TNRC18: variants seen among roughly 807,000 people sequenced by gnomAD.
TNRC18 encodes trinucleotide repeat-containing gene 18 protein.
TNRC18 carries 69 observed loss-of-function variants against 226.7 expected under a neutral mutation model. The ratio of observed to expected loss-of-function variants is 0.30; its 90% CI spans 0.25 to 0.37. The LOEUF (loss-of-function observed/expected upper bound fraction) is 0.37, where lower values mean the gene tolerates loss of function less well. TNRC18 is among the 10% of genes least tolerant of loss of function. The pLI is 1.00. For missense variants in TNRC18, 4,754 were observed against 4,256.6 expected (o/e 1.12, Z -3.25); for synonymous variants, 2,449 against 1,927.6 (o/e 1.27, Z -7.09).
intron 18 of TNRC18, among the ~76,000 whole-genome samples, chr7:5,343,169 G>T (rs1022021240): frequency 6.6e-6 from 1 of 152,078 alleles, no homozygotes; most frequent in Non-Finnish European, 1.5e-5. Context: ...GCCTGGCCAA[G>T]ATGGGGAAAC....
intron 3 of TNRC18, among the ~76,000 whole-genome samples, chr7:5,391,639 G>C (rs1321281144): frequency 6.6e-6 from 1 of 150,892 alleles, no homozygotes; most frequent in East Asian, 2.0e-4. Context: ...AAAATAAACA[G>C]AATTGGGACC....
chr7:5,378,838 A>C (rs1156375819), intron 5 of TNRC18, among the ~76,000 whole-genome samples: 1 of 152,100 alleles, frequency 6.6e-6, no homozygotes, highest in Admixed American at 6.6e-5. Context: ...GGGCCACATG[A>C]AGCCAGACTG....
chr7:5,378,169 A>C, intron 5 of TNRC18, 145 bp from the exon 6 acceptor site: 1 of 611,400 alleles, frequency 1.6e-6, no homozygotes, highest in Non-Finnish European at 2.8e-6. Context: ...TCACCCCAAC[A>C]TCTTTCCTTA....
At chr7:5,397,210 A>G (rs1780751526) in intron 2 of TNRC18, among the ~76,000 whole-genome samples, 1 of 151,882 alleles carries the variant, frequency 6.6e-6, no homozygotes, top group Non-Finnish European at 1.5e-5. Flanking sequence ...CAGGGCCTCC[A>G]AGCCCTGCTG....
chr7:5,411,746 C>G (rs887420192), intron 2 of TNRC18, among the ~76,000 whole-genome samples: 4 of 151,920 alleles, frequency 2.6e-5, no homozygotes, highest in African/African-American at 9.7e-5. Context: ...CAAAGGGAGT[C>G]TGAAGAACAA....
intron 2 of TNRC18, among the ~76,000 whole-genome samples, chr7:5,398,253 T>C (rs13236793): frequency 0.22 from 33,106 of 151,618 alleles, 4,048 homozygotes; most frequent in Middle Eastern, 0.31. Context: ...TCACCGCACC[T>C]TCCGCCACCC....
chr7:5,413,257 G>A (rs969289670), intron 2 of TNRC18, among the ~76,000 whole-genome samples: 1 of 152,124 alleles, frequency 6.6e-6, no homozygotes, highest in African/African-American at 2.4e-5. Flanking sequence ...GCCAAGAGCA[G>A]CCCCCGCCAG....
intron 9 of TNRC18, among the ~76,000 whole-genome samples, chr7:5,375,831 T>C (rs1794616001): frequency 6.6e-6 from 1 of 151,976 alleles, no homozygotes; most frequent in Non-Finnish European, 1.5e-5. Flanking sequence ...TGCTCACAGC[T>C]CCCTCCGCCT....
At chr7:5,340,883 AACCAATG>A in intron 18 of TNRC18, among the ~76,000 whole-genome samples, 1 of 152,330 alleles carries the variant, frequency 6.6e-6, no homozygotes, top group East Asian at 1.9e-4. Context: ...TGGCTACACC[AACCAATG>A]GATTTGCAAT....
At chr7:5,386,928 G>C (rs1779833353) in intron 5 of TNRC18, among the ~76,000 whole-genome samples, 1 of 152,020 alleles carries the variant, frequency 6.6e-6, no homozygotes, top group South Asian at 2.1e-4. Flanking sequence ...CACAAAATTA[G>C]CCAAGCATGG....
In TNRC18 at chr7:5,308,292, C is replaced by T. The variant is rs368584590; in HGVS notation, c.8721G>A (p.Ser2907=). The T allele has an allele frequency of 6.0e-5, 96 of 1,612,350 alleles. No homozygotes were observed. The highest frequency in any genetic ancestry group is 1.7e-4 in the Middle Eastern group (1 of 6,014). ...TCTGCACGTCATTTTCGTCCACATG[C>T]GAGGACTGGTATAGCGCGCGCTGCG... is the stretch of plus-strand genomic sequence containing the variant. ...DFMERALYQS[S]HVDENDVQTV... Residue 2907 remains serine, a synonymous_variant, in exon 30 of 30, where the codon TCG becomes TCA. Coordinates refer to ENST00000430969, the MANE Select transcript of TNRC18 (RefSeq NM_001080495.3).
chr7:5,353,798 C>A (rs1032132610), intron 16 of TNRC18, among the ~76,000 whole-genome samples: 12 of 152,286 alleles, frequency 7.9e-5, no homozygotes, highest in Admixed American at 2.6e-4. Flanking sequence ...CCACAGCCAC[C>A]GTCCTGCTGG....
In TNRC18 at chr7:5,421,213, C is replaced by T. The variant is rs969997283; in HGVS notation, c.34G>A (p.Val12Met). 3 of 1,338,460 alleles carry T rather than the reference C, an allele frequency of 2.2e-6. No individual in the cohort carries two copies. The highest frequency in any genetic ancestry group is 1.5e-5 in the African/African-American group (1 of 64,650). The allele number at this position is 1,338,460 out of a possible 1,614,324, so 82.9% of individuals were successfully genotyped here. A position where few individuals can be genotyped will look rare whatever the true frequency, so the allele number is the denominator to read the frequency against. Residue 12 changes from valine (V) to methionine (M), a missense_variant, in exon 2 of 30, where the codon GTG (valine) becomes ATG (methionine). Physicochemically the swap from Val to Met is conservative, Grantham distance 21. Coordinates refer to ENST00000430969, the MANE Select transcript of TNRC18 (RefSeq NM_001080495.3). ...AGCAGCGGCGGCGGGGGACCGTGCA[C>T]GGACCGCTGGGGCCCGAAGTCTCGG... ...DGRDFGPQRS[V>M]HGPPPPLLSG...
chr7:5,331,574 G>C (rs1789524491), intron 19 of TNRC18, among the ~76,000 whole-genome samples: 1 of 152,152 alleles, frequency 6.6e-6, no homozygotes, highest in African/African-American at 2.4e-5. Flanking sequence ...ACAGAGACTT[G>C]CAGCACACAA....
rs1786913762 is a variant in TNRC18 at position 5,309,016 on chromosome 7, G to A, written c.8626-67C>T. ...CTGCTGCACCCGACCCCAGGCCCCA[G>A]GACAGGGCTGACCCACTGGGCAGGG... On this transcript the variant is annotated intron_variant, in intron 28 of 29. Transcript: ENST00000430969. This position sits in a 1 kb window ranked among gnomAD's most constrained non-coding sequence, Gnocchi z 5.7. 1.9e-6 allele frequency: 3 copies of A among 1,539,978 alleles called. No homozygotes were observed. Among genetic ancestry groups the A allele is most frequent in the African/African-American group, 1.4e-5 (1 of 73,162 alleles).
At position 5,374,135 on chromosome 7, in the gene TNRC18, T is replaced by G. The variant is rs779554971; in HGVS notation, c.3149A>C (p.Glu1050Ala). The G allele has an allele frequency of 6.8e-7, 1 of 1,466,094 alleles. No homozygotes were observed. Among genetic ancestry groups the G allele is most frequent in the South Asian group, 1.2e-5 (1 of 82,818 alleles). 90.8% of individuals were successfully genotyped at this position (1,466,094 alleles called of 1,614,324 possible). ...CTTCTCGACCACATTCTCGGGAGCCTCCTCCTTGCGGGTGATACCCGGGGT... is the reference window on the plus strand; with the variant it reads ...CTTCTCGACCACATTCTCGGGAGCCGCCTCCTTGCGGGTGATACCCGGGGT... ...PPTPGITRKE[E>A]APENVVEKKD... The change falls in exon 10 of 30, where the codon GAG (glutamate) becomes GCG (alanine). Residue 1050 changes from glutamate to alanine, a missense_variant. Glu to Ala is a moderately radical substitution (Grantham distance 107). Coordinates refer to ENST00000430969, the MANE Select transcript of TNRC18 (RefSeq NM_001080495.3).
intron 18 of TNRC18, among the ~76,000 whole-genome samples, chr7:5,340,576 A>T (rs1029313377): frequency 1.6e-3 from 3 of 1,902 alleles, no homozygotes; most frequent in African/African-American, 4.5e-3. Flanking sequence ...ATCTCTACTA[A>T]AAAAAAAAAC....
At chr7:5,363,847 G>T (rs1169535792) in intron 11 of TNRC18, among the ~76,000 whole-genome samples, 1 of 113,300 alleles carries the variant, frequency 8.8e-6, no homozygotes, top group Non-Finnish European at 1.9e-5. Context: ...CACAAACCAA[G>T]CAGAAAGGTG....
intron 2 of TNRC18, among the ~76,000 whole-genome samples, chr7:5,399,647 A>G (rs1011243010): frequency 6.6e-6 from 1 of 152,040 alleles, no homozygotes; most frequent in African/African-American, 2.4e-5. Flanking sequence ...CAGAGGCTGC[A>G]GTGAGCCAAG....
Sources: gnomAD v4.1 joint callset for allele counts (sites outside exome capture counted in the v4.1 genomes callset) on GRCh38, gnomAD v4.1.1 for gene constraint, Gnocchi (gnomAD v3.1) non-coding constraint, MANE v1.5 for transcripts, NCBI Gene and HGNC (gene_info 2026-07-23, HGNC 2026-07-21) for gene names.